NPTN: variants seen among roughly 807,000 people sequenced by gnomAD.
NPTN encodes SDR-1.
In NPTN, 5 loss-of-function variants were observed where a neutral mutation model predicts 42.7. That is an observed-to-expected ratio of 0.12 (90% CI 0.06 to 0.25). NPTN has a LOEUF of 0.25. Ranked by LOEUF, NPTN falls within the 10% of genes least tolerant of loss-of-function variation. The pLI, the probability that NPTN is intolerant of heterozygous loss-of-function variation, is 1.00. For missense variants in NPTN, 307 were observed against 525.4 expected (o/e 0.58, Z 4.06); for synonymous variants, 180 against 201.9 (o/e 0.89, Z 0.92).
chr15:73,594,810 C>G (rs1301005454), intron 2 of NPTN, among the ~76,000 whole-genome samples: 1 of 152,146 alleles, frequency 6.6e-6, no homozygotes, highest in Non-Finnish European at 1.5e-5. Flanking sequence ...TCTCTTCTTG[C>G]CTTACATACT....
intron 1 of NPTN, among the ~76,000 whole-genome samples, chr15:73,629,798 G>A (rs184189793): frequency 1.8e-3 from 276 of 150,576 alleles, no homozygotes; most frequent in African/African-American, 5.5e-3. Context: ...AATACTCTAT[G>A]AGAAAGTGAT....
intron 4 of NPTN, among the ~76,000 whole-genome samples, chr15:73,582,537 G>A (rs1896102348): frequency 6.6e-6 from 1 of 152,220 alleles, no homozygotes; most frequent in Non-Finnish European, 1.5e-5. Flanking sequence ...TGAAACCACT[G>A]TGTAAGAGGT....
At chr15:73,585,768 C>T (rs142177404) in intron 4 of NPTN, among the ~76,000 whole-genome samples, 1 of 152,148 alleles carries the variant, frequency 6.6e-6, no homozygotes, top group African/African-American at 2.4e-5. Flanking sequence ...AAGATACTAC[C>T]ACCTGCCTCA....
chr15:73,588,705 C>T (rs1896438826), intron 3 of NPTN, among the ~76,000 whole-genome samples: 1 of 152,216 alleles, frequency 6.6e-6, no homozygotes, highest in Non-Finnish European at 1.5e-5. Flanking sequence ...TCTTGGCTTA[C>T]GTGTCAGTTT....
Position 73,570,090 on chromosome 15 carries a change from T to C in NPTN, c.1114+60A>G. On this transcript the variant is annotated intron_variant, in intron 6 of 8. Coordinates refer to ENST00000345330, the MANE Select transcript of NPTN (RefSeq NM_012428.4). The surrounding 1 kb of genome is among the most constrained non-coding windows in gnomAD (Gnocchi z 4.0). Reference sequence around the variant, plus strand: ...ATCCCTATAGTCCTCTTTGGGTACTTGGAAACCACCCGAAGGAACCAACCC... The same window carrying C: ...ATCCCTATAGTCCTCTTTGGGTACTCGGAAACCACCCGAAGGAACCAACCC... The C allele has an allele frequency of 6.6e-7, 1 of 1,516,300 alleles. No homozygotes were observed. The highest frequency in any genetic ancestry group is 2.1e-5 in the Admixed American group (1 of 47,374). The allele number at this position is 1,516,300 out of a possible 1,614,324, so 93.9% of individuals were successfully genotyped here. A position where few individuals can be genotyped will look rare whatever the true frequency, so the allele number is the denominator to read the frequency against.
chr15:73,570,137 G>A lies in NPTN; in HGVS notation c.1114+13C>T, dbSNP rs780296317. The stretch of plus-strand genomic sequence containing the variant: ...ACCCCAGCAGTACAGCTATTTTGTA[G>A]GGATGCTCTTACCGTCAGGAACCTC... On this transcript the variant is annotated intron_variant, in intron 6 of 8. Coordinates refer to ENST00000345330, the MANE Select transcript of NPTN (RefSeq NM_012428.4). This position sits in a 1 kb window ranked among gnomAD's most constrained non-coding sequence, Gnocchi z 4.0. 2 of 1,591,802 alleles carry A rather than the reference G, an allele frequency of 1.3e-6. No homozygotes were observed. The highest frequency in any genetic ancestry group is 1.7e-6 in the Non-Finnish European group (2 of 1,166,452).
chr15:73,625,088 A>C (rs2141476744), intron 1 of NPTN, among the ~76,000 whole-genome samples: 1 of 152,382 alleles, frequency 6.6e-6, no homozygotes, highest in Admixed American at 6.5e-5. Context: ...ATTCCAGACT[A>C]ACATGGCATG....
At chr15:73,584,459 T>A (rs1896215040) in intron 4 of NPTN, among the ~76,000 whole-genome samples, 1 of 151,886 alleles carries the variant, frequency 6.6e-6, no homozygotes, top group East Asian at 1.9e-4. Context: ...GGTTGAAAAA[T>A]TATAGGGGTA....
At chr15:73,613,047 T>C (rs1897668526) in intron 1 of NPTN, among the ~76,000 whole-genome samples, 1 of 152,352 alleles carries the variant, frequency 6.6e-6, no homozygotes, top group South Asian at 2.1e-4. Context: ...CTGAGAATTA[T>C]GATTACTCAA....
rs1895291561 is a variant in NPTN at position 73,570,246 on chromosome 15, G to C, written c.1018C>G (p.Leu340Val). 2 of 1,614,254 alleles carry C rather than the reference G, an allele frequency of 1.2e-6. No homozygotes were observed. The highest frequency in any genetic ancestry group is 1.7e-6 in the Non-Finnish European group (2 of 1,180,046). Residue 340 changes from leucine (L) to valine (V), a missense_variant, in exon 6 of 9, where the codon CTC (leucine) becomes GTC (valine). Coordinates refer to ENST00000345330, the MANE Select transcript of NPTN (RefSeq NM_012428.4). This position sits in a 1 kb window ranked among gnomAD's most constrained non-coding sequence, Gnocchi z 4.0. ...VLRVRSHLAP[L>V]WPFLGILAEI... ...GCCAGAATTCCCAAGAAAGGCCAGA[G>C]TGGGGCCAGGTGGCTCCGCACCCTG...
In NPTN at chr15:73,570,110, C is replaced by A. The variant is rs751481783; in HGVS notation, c.1114+40G>T. The A allele has an allele frequency of 1.9e-6, 3 of 1,546,156 alleles. No homozygotes were observed. In the East Asian group the frequency reaches 6.8e-5, roughly 35 times the overall value. On this transcript the variant is annotated intron_variant, in intron 6 of 8. Transcript: ENST00000345330. This position sits in a 1 kb window ranked among gnomAD's most constrained non-coding sequence, Gnocchi z 4.0. The stretch of plus-strand genomic sequence containing the variant: ...GTACTTGGAAACCACCCGAAGGAAC[C>A]AACCCCAGCAGTACAGCTATTTTGT...
rs1006218315 is a variant in NPTN at position 73,570,214 on chromosome 15, A to C, written c.1050T>G (p.Ile350Met). Residue 350 changes from isoleucine (I) to methionine (M), a missense_variant, in exon 6 of 9, where the codon ATT (isoleucine) becomes ATG (methionine). Around this residue, in one of 2 missense-constraint regions of NPTN, gnomAD observed 264 missense variants for 491.1 expected, o/e 0.54. Transcript: ENST00000345330. The surrounding 1 kb of genome is among the most constrained non-coding windows in gnomAD (Gnocchi z 4.0). ...CAACAATGATCACCACAAGGATGATAATTTCAGCCAGAATTCCCAAGAAAG... is the reference window on the plus strand; with the variant it reads ...CAACAATGATCACCACAAGGATGATCATTTCAGCCAGAATTCCCAAGAAAG... ...LWPFLGILAE[I>M]IILVVIIVVY... 1 of 1,614,056 alleles carries C rather than the reference A, an allele frequency of 6.2e-7. No individual in the cohort carries two copies. Among genetic ancestry groups the C allele is most frequent in the Admixed American group, 1.7e-5 (1 of 60,008 alleles).
intron 4 of NPTN, 30 bp from the exon 5 acceptor site, chr15:73,573,825 CG>C (rs1566961657): frequency 4.4e-6 from 7 of 1,604,244 alleles, no homozygotes; most frequent in Non-Finnish European, 6.0e-6. Context: ...GCAGTTACCA[CG>C]GAAGTCTACT....
chr15:73,632,979 G>C (rs1156864357), intron 1 of NPTN, 146 bp downstream of exon 1: 2 of 552,348 alleles, frequency 3.6e-6, no homozygotes, highest in East Asian at 3.5e-5. Context: ...ACCCGCAGCC[G>C]GTACCTCCTC....
At chr15:73,622,385 T>C (rs1282402362) in intron 1 of NPTN, among the ~76,000 whole-genome samples, 5 of 151,508 alleles carry the variant, frequency 3.3e-5, no homozygotes, top group African/African-American at 7.3e-5. Flanking sequence ...GGCACAAATA[T>C]GGAAAAGGGC....
Position 73,597,284 on chromosome 15 carries a change from C to T in NPTN, c.177G>A (p.Thr59=), listed in dbSNP as rs1406572263. The T allele has an allele frequency of 3.7e-6, 6 of 1,613,982 alleles. No homozygotes were observed. The highest frequency in any genetic ancestry group is 4.5e-5 in the East Asian group (2 of 44,862). The change falls in exon 2 of 9, where the codon ACG becomes ACA. Residue 59 remains threonine (T), a synonymous_variant. Coordinates refer to ENST00000345330, the MANE Select transcript of NPTN (RefSeq NM_012428.4). This position sits in a 1 kb window ranked among gnomAD's most constrained non-coding sequence, Gnocchi z 6.3. ...ELYCDVVGSP[T]PEIQWWYAEV... ...CTGCGTACCACCACTGGATCTCTGG[C>T]GTGGGGCTCCCGACCACGTCACAGT... is the stretch of plus-strand genomic sequence containing the variant.
intron 4 of NPTN, among the ~76,000 whole-genome samples, chr15:73,584,827 C>G (rs1005346391): frequency 1.3e-5 from 2 of 151,786 alleles, no homozygotes; most frequent in South Asian, 2.1e-4. Context: ...AGGCCTCCCC[C>G]ACTACATGTA....
At chr15:73,572,430 T>A (rs151213795) in intron 5 of NPTN, among the ~76,000 whole-genome samples, 1 of 152,314 alleles carries the variant, frequency 6.6e-6, no homozygotes, top group East Asian at 1.9e-4. Context: ...AACAACATCA[T>A]GAATCATCCC....
intron 6 of NPTN, chr15:73,567,139 T>C (rs1450127425): frequency 1.0e-6 from 1 of 984,688 alleles, no homozygotes; most frequent in East Asian, 1.1e-4. Context: ...TGTGCTTTTA[T>C]ACTTTTGTAT....
Sources: allele counts gnomAD v4.1 joint callset (sites outside exome capture counted in the v4.1 genomes callset), GRCh38; gene constraint gnomAD v4.1.1; regional missense constraint gnomAD v4.1.1; non-coding constraint Gnocchi (gnomAD v3.1); transcripts MANE v1.5; gene names NCBI Gene and HGNC (gene_info 2026-07-23, HGNC 2026-07-21).